NTM: variants seen among roughly 807,000 people sequenced by gnomAD.
NTM encodes the protein IgLON family member 2.
In NTM, 13 loss-of-function variants were observed where a neutral mutation model predicts 42.1. The observed-to-expected ratio is 0.31, with a 90% CI of 0.20 to 0.49. The LOEUF (loss-of-function observed/expected upper bound fraction) is 0.49. NTM is among the 20% of genes least tolerant of loss of function. The pLI, the probability that NTM is intolerant of heterozygous loss-of-function variation, is 0.99. For synonymous variants in NTM, 187 were observed against 179.2 expected (o/e 1.04, Z -0.35); for missense variants, 373 against 452.8 (o/e 0.82, Z 1.60).
intron 1 of NTM, among the ~76,000 whole-genome samples, chr11:131,480,941 T>A (rs917472037): frequency 3.9e-5 from 6 of 151,906 alleles, no homozygotes; most frequent in Non-Finnish European, 8.8e-5. Flanking sequence ...GGGAATTGGG[T>A]GGGGGTTTTC....
intron 1 of NTM, among the ~76,000 whole-genome samples, chr11:131,764,917 C>A (rs2084868428): frequency 6.6e-6 from 1 of 152,174 alleles, no homozygotes; most frequent in Admixed American, 6.5e-5. Flanking sequence ...TCACACACAT[C>A]ATCTGATTAA....
chr11:132,144,713 ATCT>A (rs1467995022), intron 2 of NTM, among the ~76,000 whole-genome samples: 1 of 152,154 alleles, frequency 6.6e-6, no homozygotes, highest in Non-Finnish European at 1.5e-5. Flanking sequence ...TAGTCCCCAG[ATCT>A]TCTCCAAGCT....
At chr11:132,217,360 G>C (rs944009400) in intron 4 of NTM, among the ~76,000 whole-genome samples, 3 of 127,746 alleles carry the variant, frequency 2.3e-5, no homozygotes, top group East Asian at 2.3e-4. Context: ...CTCTCTTTCT[G>C]TGTGTGTGTG....
chr11:132,164,991 C>G (rs1244787354), intron 3 of NTM, among the ~76,000 whole-genome samples: 2 of 150,636 alleles, frequency 1.3e-5, no homozygotes, highest in Non-Finnish European at 2.9e-5. Flanking sequence ...ATTCTCAGCT[C>G]CCCCTCCCCT....
chr11:132,084,621 G>A (rs1292840172), intron 2 of NTM, among the ~76,000 whole-genome samples: 2 of 152,130 alleles, frequency 1.3e-5, no homozygotes, highest in African/African-American at 4.8e-5. Context: ...TAGAATTTCA[G>A]ATTACCATAA....
intron 1 of NTM, among the ~76,000 whole-genome samples, chr11:131,704,593 C>T (rs908453284): frequency 6.6e-6 from 1 of 152,164 alleles, no homozygotes; most frequent in Non-Finnish European, 1.5e-5. Flanking sequence ...GAGAATATGA[C>T]ATGACCAAAG....
intron 1 of NTM, chr11:131,582,203 A>C (rs1027767825): frequency 2.4e-4 from 37 of 152,174 alleles, no homozygotes; most frequent in African/African-American, 8.9e-4. Context: ...ACTTCGATGG[A>C]GTTTCCTATA....
intron 4 of NTM, among the ~76,000 whole-genome samples, chr11:132,216,260 C>A (rs993044387): frequency 6.6e-6 from 1 of 152,144 alleles, no homozygotes; most frequent in Non-Finnish European, 1.5e-5. Flanking sequence ...ATTCTGAAAG[C>A]CTTATTGTTA....
intron 2 of NTM, among the ~76,000 whole-genome samples, chr11:131,959,501 T>C (rs1320390844): frequency 6.6e-6 from 1 of 151,858 alleles, no homozygotes; most frequent in African/African-American, 2.4e-5. Context: ...CCAGGTGTAG[T>C]GGTGCATGCC....
intron 2 of NTM, among the ~76,000 whole-genome samples, chr11:132,130,964 C>T (rs1370013394): frequency 6.6e-6 from 1 of 152,170 alleles, no homozygotes; most frequent in Admixed American, 6.5e-5. Flanking sequence ...TGTGTCTCTG[C>T]CTCCAACTTT....
chr11:132,084,375 G>A (rs1157147582), intron 2 of NTM, among the ~76,000 whole-genome samples: 1 of 152,126 alleles, frequency 6.6e-6, no homozygotes, highest in African/African-American at 2.4e-5. Flanking sequence ...ATACAATTTT[G>A]TGACATATAC....
intron 1 of NTM, among the ~76,000 whole-genome samples, chr11:131,610,403 T>C (rs977417913): frequency 1.3e-5 from 2 of 152,236 alleles, no homozygotes; most frequent in African/African-American, 4.8e-5. Flanking sequence ...ATTGGGGCTT[T>C]TGGCCCACGG....
At chr11:131,659,570 T>C (rs1392032464) in intron 1 of NTM, among the ~76,000 whole-genome samples, 1 of 152,216 alleles carries the variant, frequency 6.6e-6, no homozygotes, top group African/African-American at 2.4e-5. Flanking sequence ...AGAGAAAAAG[T>C]AGTCATCCTT....
At chr11:132,073,083 C>G (rs999652167) in intron 2 of NTM, among the ~76,000 whole-genome samples, 3 of 152,170 alleles carry the variant, frequency 2.0e-5, no homozygotes, top group Non-Finnish European at 4.4e-5. Context: ...CTAGCTCCTT[C>G]TGTCCTGTGG....
At chr11:131,881,998 C>T (rs958276823) in intron 1 of NTM, among the ~76,000 whole-genome samples, 2 of 152,054 alleles carry the variant, frequency 1.3e-5, no homozygotes, top group African/African-American at 4.8e-5. Context: ...CAATTAATTG[C>T]GATTTAGAAA....
chr11:131,787,578 G>A (rs1277172148), intron 1 of NTM, among the ~76,000 whole-genome samples: 1 of 151,908 alleles, frequency 6.6e-6, no homozygotes, highest in Non-Finnish European at 1.5e-5. Flanking sequence ...TACAGACGGG[G>A]TTTCACCATG....
intron 1 of NTM, among the ~76,000 whole-genome samples, chr11:131,896,310 G>C (rs1283733692): frequency 6.6e-6 from 1 of 152,118 alleles, no homozygotes; most frequent in East Asian, 1.9e-4. Context: ...GACTGAATCT[G>C]AAGGAGAAAT....
intron 1 of NTM, among the ~76,000 whole-genome samples, chr11:131,857,389 A>G (rs777854126): frequency 6.6e-6 from 1 of 151,860 alleles, no homozygotes; most frequent in East Asian, 1.9e-4. Context: ...TCCCCTTCCT[A>G]TCAGCCCATC....
At chr11:131,667,626 C>T (rs1017720694) in intron 1 of NTM, among the ~76,000 whole-genome samples, 4 of 152,190 alleles carry the variant, frequency 2.6e-5, no homozygotes, top group Non-Finnish European at 5.9e-5. Context: ...GAGAAAGTTT[C>T]CTGCCTTACA....
Sources: gnomAD v4.1 joint callset for allele counts (sites outside exome capture counted in the v4.1 genomes callset) on GRCh38, gnomAD v4.1.1 for gene constraint, MANE v1.5 for transcripts, NCBI Gene and HGNC (gene_info 2026-07-23, HGNC 2026-07-21) for gene names.